Variants in CNTNAP2 observed in about 807,000 individuals in gnomAD.
CNTNAP2 encodes the protein contactin-associated protein-like 2.
CNTNAP2 carries 98 observed loss-of-function variants against 155.2 expected under a neutral mutation model. The observed-to-expected ratio is 0.63, with a 90% CI of 0.54 to 0.75. CNTNAP2 has a LOEUF of 0.75. Among genes scored for constraint, CNTNAP2 ranks in the 30% least tolerant of loss-of-function variants. The pLI is 0.00. For synonymous variants in CNTNAP2, 651 were observed against 631.2 expected (o/e 1.03, Z -0.47); for missense variants, 1,727 against 1,688.1 (o/e 1.02, Z -0.40).
At chr7:146,972,846 C>G (rs1433598426) in intron 3 of CNTNAP2, among the ~76,000 whole-genome samples, 1 of 152,070 alleles carries the variant, frequency 6.6e-6, no homozygotes, top group Non-Finnish European at 1.5e-5. Context: ...ATTTTCCTGG[C>G]TCATCAGTTT....
chr7:146,230,113 A>T (rs1053363766), intron 1 of CNTNAP2, among the ~76,000 whole-genome samples: 3 of 152,230 alleles, frequency 2.0e-5, no homozygotes, highest in Admixed American at 1.3e-4. Context: ...CTAATAAAAA[A>T]TTGTATTAAA....
intron 14 of CNTNAP2, among the ~76,000 whole-genome samples, chr7:147,971,088 C>T (rs11773362): frequency 0.31 from 47,153 of 151,902 alleles, 8,045 homozygotes; most frequent in East Asian, 0.57. Flanking sequence ...GTAGGAAAAG[C>T]CCTTAAAAAC....
At chr7:146,703,305 A>G (rs908935257) in intron 1 of CNTNAP2, among the ~76,000 whole-genome samples, 1 of 152,138 alleles carries the variant, frequency 6.6e-6, no homozygotes, top group Non-Finnish European at 1.5e-5. Context: ...GGGTTGGTCA[A>G]GTGTATGTCT....
intron 10 of CNTNAP2, among the ~76,000 whole-genome samples, chr7:147,452,662 A>G (rs1797853023): frequency 6.6e-6 from 1 of 152,234 alleles, no homozygotes; most frequent in African/African-American, 2.4e-5. Context: ...GTTACTAAAC[A>G]TAATTTATGC....
chr7:147,884,246 G>A (rs1195646609), intron 13 of CNTNAP2, among the ~76,000 whole-genome samples: 3 of 152,174 alleles, frequency 2.0e-5, no homozygotes, highest in Admixed American at 6.5e-5. Flanking sequence ...AACAATGAAA[G>A]AGGTCAGTGA....
intron 1 of CNTNAP2, among the ~76,000 whole-genome samples, chr7:146,255,467 G>C (rs1799823276): frequency 6.6e-6 from 1 of 152,136 alleles, no homozygotes. Context: ...GATAACATTA[G>C]GTGACCAGTG....
chr7:146,328,527 G>GTA (rs1047781923), intron 1 of CNTNAP2, among the ~76,000 whole-genome samples: 1 of 151,688 alleles, frequency 6.6e-6, no homozygotes, highest in Non-Finnish European at 1.5e-5. Flanking sequence ...GTGTGTGTGT[G>GTA]TGTGTGTGTG....
Position 148,416,450 on chromosome 7 carries a change from A to ACATACTGGATTTATATATGT in CNTNAP2, c.*835_*854dup, listed in dbSNP as rs1799991652. The ACATACTGGATTTATATATGT allele has an allele frequency of 6.6e-6, 1 of 151,378 alleles. No individual in the cohort carries two copies. The highest frequency in any genetic ancestry group is 6.6e-5 in the Admixed American group (1 of 15,246). The allele number at this position is 151,378 out of a possible 1,614,324, so 9.4% of individuals were successfully genotyped here. A position where few individuals can be genotyped will look rare whatever the true frequency, so the allele number is the denominator to read the frequency against. On this transcript the variant is annotated 3_prime_UTR_variant, in exon 24 of 24. Coordinates refer to ENST00000361727, the MANE Select transcript of CNTNAP2 (RefSeq NM_014141.6). ...AAGATTTTTTCCTGTTTTATCTGAA[A>ACATACTGGATTTATATATGT]CATACTGGATTTATATATGTATAAG...
chr7:147,724,056 A>T (rs887356242), intron 13 of CNTNAP2, among the ~76,000 whole-genome samples: 3 of 151,916 alleles, frequency 2.0e-5, no homozygotes, highest in Non-Finnish European at 1.5e-5. Flanking sequence ...ATGTATTTCA[A>T]AATCTTTAAA....
intron 1 of CNTNAP2, among the ~76,000 whole-genome samples, chr7:146,229,591 C>A (rs1179295433): frequency 6.6e-6 from 1 of 151,800 alleles, no homozygotes; most frequent in Admixed American, 6.6e-5. Flanking sequence ...TGCATTGTTA[C>A]ATTAATTTTT....
intron 21 of CNTNAP2, among the ~76,000 whole-genome samples, chr7:148,293,511 T>C (rs1797229595): frequency 6.6e-6 from 1 of 152,238 alleles, no homozygotes. Flanking sequence ...GTCTCAGAAA[T>C]GTTGTATTAA....
chr7:148,331,018 CAGAT>C (rs1797991858), intron 21 of CNTNAP2, among the ~76,000 whole-genome samples: 1 of 124,668 alleles, frequency 8.0e-6, no homozygotes, highest in African/African-American at 3.2e-5. Flanking sequence ...ATGGAATGGA[CAGAT>C]GGATGGAGTG....
At chr7:146,377,089 C>A (rs1351708160) in intron 1 of CNTNAP2, among the ~76,000 whole-genome samples, 5 of 152,156 alleles carry the variant, frequency 3.3e-5, no homozygotes, top group Non-Finnish European at 7.3e-5. Context: ...GTCTCATACA[C>A]ACATTGGCAA....
chr7:147,962,745 T>C (rs1801135982), intron 14 of CNTNAP2, among the ~76,000 whole-genome samples: 1 of 152,220 alleles, frequency 6.6e-6, no homozygotes, highest in African/African-American at 2.4e-5. Context: ...AAGTAATGTA[T>C]AGTCCATTAA....
At chr7:147,601,378 T>C (rs1031765922) in intron 12 of CNTNAP2, among the ~76,000 whole-genome samples, 4 of 151,438 alleles carry the variant, frequency 2.6e-5, no homozygotes, top group Non-Finnish European at 2.9e-5. Flanking sequence ...GGGGTTGTTC[T>C]CTGGCGGGCA....
chr7:148,023,984 T>C (rs35631331), intron 15 of CNTNAP2, among the ~76,000 whole-genome samples: 6,895 of 152,118 alleles, frequency 0.045, 282 homozygotes, highest in East Asian at 0.25. Context: ...GAAAGATCTT[T>C]CAAATTCACA....
intron 3 of CNTNAP2, among the ~76,000 whole-genome samples, chr7:146,885,928 GGT>G (rs36231370): frequency 0.036 from 5,054 of 141,770 alleles, 81 homozygotes; most frequent in Non-Finnish European, 0.04. Flanking sequence ...TATGTAAGTC[GGT>G]GTGTGTGTGT....
At chr7:147,520,006 C>T (rs1799205231) in intron 11 of CNTNAP2, among the ~76,000 whole-genome samples, 1 of 152,228 alleles carries the variant, frequency 6.6e-6, no homozygotes, top group Non-Finnish European at 1.5e-5. Flanking sequence ...TTGGAGGGAG[C>T]GTTTCTTTGA....
chr7:146,482,109 A>T (rs1354668982), intron 1 of CNTNAP2, among the ~76,000 whole-genome samples: 1 of 151,672 alleles, frequency 6.6e-6, no homozygotes, highest in South Asian at 2.1e-4. Flanking sequence ...TCAAAGCAAC[A>T]GTCACAAGAC....
Sources: gnomAD v4.1 joint callset for allele counts (sites outside exome capture counted in the v4.1 genomes callset) on GRCh38, gnomAD v4.1.1 for gene constraint, MANE v1.5 for transcripts, NCBI Gene and HGNC (gene_info 2026-07-23, HGNC 2026-07-21) for gene names.